The following PEX5 variants were observed in gnomAD, a reference collection of about 807,000 sequenced individuals.
PEX5 encodes peroxisomal biogenesis factor 5.
PEX5 carries 52 observed loss-of-function variants against 82.9 expected under a neutral mutation model. The observed-to-expected ratio is 0.63, with a 90% CI of 0.50 to 0.79. PEX5 has a LOEUF of 0.79. Among genes scored for constraint, PEX5 ranks in the 30% least tolerant of loss-of-function variants. The pLI is 0.00. For missense variants in PEX5, 719 were observed against 815.2 expected, an observed-to-expected ratio of 0.88 and a Z score of 1.44; for synonymous variants, 300 against 318.8, an observed-to-expected ratio of 0.94 and a Z score of 0.63.
intron 1 of PEX5, chr12:7,190,149 C>T (rs1940710844): frequency 2.7e-6 from 4 of 1,488,164 alleles, no homozygotes; most frequent in Non-Finnish European, 3.6e-6. Context: ...GAGGCGCAGG[C>T]TGGAAGCGGT....
intron 5 of PEX5, among the ~76,000 whole-genome samples, chr12:7,192,004 C>T (rs1024258220): frequency 6.6e-6 from 1 of 152,032 alleles, no homozygotes; most frequent in African/African-American, 2.4e-5. Flanking sequence ...GCAGTGTTGC[C>T]GAGGAAGAGA....
In PEX5 at chr12:7,203,554, G is replaced by A. The variant is rs373763823; in HGVS notation, c.966+3G>A. 178 of 1,613,148 alleles carry A rather than the reference G, an allele frequency of 1.1e-4. No homozygotes were observed. Among genetic ancestry groups the A allele is most frequent in the Admixed American group, 1.5e-4 (9 of 59,882 alleles). ...TTACGTCAGCTACCTATGATAAGGTGAGGTAAAAACTCTTAGTTTTTCAGG... is the reference window on the plus strand; with the variant it reads ...TTACGTCAGCTACCTATGATAAGGTAAGGTAAAAACTCTTAGTTTTTCAGG... On this transcript the variant is annotated splice_donor_region_variant and intron_variant, in intron 10 of 15. Coordinates refer to ENST00000675855, the MANE Select transcript of PEX5 (RefSeq NM_001351132.2).
chr12:7,194,718 T>C (rs1341127986), intron 5 of PEX5, among the ~76,000 whole-genome samples: 1 of 152,200 alleles, frequency 6.6e-6, no homozygotes, highest in Non-Finnish European at 1.5e-5. Context: ...TCGGTTGACA[T>C]GGTATGTGAG....
At chr12:7,197,252 T>TATA (rs370703108) in intron 5 of PEX5, among the ~76,000 whole-genome samples, 1 of 15,444 alleles carries the variant, frequency 6.5e-5, no homozygotes, top group African/African-American at 1.8e-4. Context: ...TTATATGTCA[T>TATA]ATGTAATAAT....
chr12:7,191,023 G>T, intron 3 of PEX5, 100 bp downstream of exon 3: 1 of 1,260,016 alleles, frequency 7.9e-7, no homozygotes, highest in South Asian at 1.2e-5. Flanking sequence ...GGGCTTTCCT[G>T]ACCGAATGAG....
In PEX5 at chr12:7,193,168, C is replaced by T. The variant is rs758440050; in HGVS notation, c.448+1468C>T. On this transcript the variant is annotated intron_variant, in intron 5 of 15. Coordinates refer to ENST00000675855, the MANE Select transcript of PEX5 (RefSeq NM_001351132.2). ...GACTGAGATTTGGAAAAGTTAAATA[C>T]TTTGTGCAAAATCATTGAATAATAG... 5.9e-5 allele frequency among the ~76,000 whole-genome samples: 9 copies of T among 151,708 alleles called. No individual in the cohort carries two copies. The East Asian group carries it at 1.7e-3, about 29-fold the overall frequency.
At chr12:7,195,349 G>C (rs1186508808) in intron 5 of PEX5, among the ~76,000 whole-genome samples, 1 of 152,134 alleles carries the variant, frequency 6.6e-6, no homozygotes, top group Non-Finnish European at 1.5e-5. Flanking sequence ...ACATGGATCT[G>C]ATTTTCTGTA....
chr12:7,188,724 A>C (rs1940383716), upstream of PEX5: 1 of 152,468 alleles, frequency 6.6e-6, no homozygotes, highest in African/African-American at 2.4e-5. Flanking sequence ...TTCGTCTGGC[A>C]TTATTGCCCT....
rs113752912 is a variant in PEX5, at chr12:7,190,040, T to A, written c.-17+290T>A. 0.1 allele frequency: 149,661 copies of A among 1,502,774 alleles called. 8,505 individuals are homozygous for A. Among genetic ancestry groups the A allele is most frequent in the Middle Eastern group, 0.15 (857 of 5,666 alleles). 93.1% of individuals were successfully genotyped at this position (1,502,774 alleles called of 1,614,324 possible). ...CGGGCAGTGTCGCCGTCCAGCCTGG[T>A]TGTTGAAGCGTCCCCGTGGTCCCCC... is the stretch of plus-strand genomic sequence containing the variant. On this transcript the variant is annotated intron_variant, in intron 1 of 15. Coordinates refer to ENST00000675855, the MANE Select transcript of PEX5 (RefSeq NM_001351132.2).
At chr12:7,191,110 A>C (rs1941016992) in intron 3 of PEX5, 116 bp from the exon 4 acceptor site, 3 of 1,267,752 alleles carry the variant, frequency 2.4e-6, no homozygotes. Flanking sequence ...ATGTGTCTCC[A>C]GTTTCTGTGT....
rs375947901 is a variant in PEX5 at position 7,208,650 on chromosome 12, C to G, written c.1375C>G (p.Leu459Val). The change falls in exon 13 of 16, where the codon CTG becomes GTG. Residue 459 changes from leucine (L) to valine (V), a missense_variant. By Grantham distance (32) the Leu-to-Val change is conservative. Transcript: ENST00000675855. ...GAGLGPSKRI[L>V]GSLLSDSLFL... ...AGGACTGGGCCCCAGCAAGCGTATC[C>G]TGGGATCTCTCTTGTCTGAGTGAGT... The G allele has an allele frequency of 3.7e-6, 6 of 1,613,502 alleles. No homozygotes were observed. Among genetic ancestry groups the G allele is most frequent in the Non-Finnish European group, 5.1e-6 (6 of 1,179,694 alleles).
Position 7,199,022 on chromosome 12 carries a change from G to A in PEX5, c.460G>A (p.Val154Met), listed in dbSNP as rs760610962. ...FISEVTDPLS[V>M]SPARWAEEYL... ...TCTGCTCCTTGCAGACCCCTTGTCT[G>A]TGTCCCCTGCCCGCTGGGCTGAGGA... is the stretch of plus-strand genomic sequence containing the variant. The change falls in exon 6 of 16, where the codon GTG becomes ATG. Residue 154 changes from valine to methionine, a missense_variant. Val to Met is a conservative substitution (Grantham distance 21). Transcript: ENST00000675855. The A allele has an allele frequency of 6.2e-7, 1 of 1,600,386 alleles. No homozygotes were observed. The highest frequency in any genetic ancestry group is 1.1e-5 in the South Asian group (1 of 89,516).
At chr12:7,197,455 T>C in intron 5 of PEX5, among the ~76,000 whole-genome samples, 1 of 110,246 alleles carries the variant, frequency 9.1e-6, no homozygotes, top group South Asian at 3.0e-4. Context: ...TTATATATAA[T>C]GTAATAATTA....
At chr12:7,197,881 G>T (rs923818990) in intron 5 of PEX5, among the ~76,000 whole-genome samples, 9 of 152,170 alleles carry the variant, frequency 5.9e-5, no homozygotes, top group African/African-American at 2.2e-4. Context: ...TCCCCCTTGG[G>T]AACTGTCCTT....
intron 14 of PEX5, 59 bp downstream of exon 14, chr12:7,209,229 T>G: frequency 5.1e-6 from 8 of 1,566,820 alleles, no homozygotes; most frequent in Non-Finnish European, 7.0e-6. Context: ...GAAGAGCCAT[T>G]TGTTGGGAAG....
In PEX5 at chr12:7,202,594, C is replaced by A; in HGVS notation, c.754-18C>A. On this transcript the variant is annotated intron_variant, in intron 8 of 15. Transcript: ENST00000675855. Reference sequence around the variant, plus strand: ...GAAAGTTGGTGGTAGTGGTACTGACCATCCTTTTTTGTCGCAGGGTACATC... The same window carrying A: ...GAAAGTTGGTGGTAGTGGTACTGACAATCCTTTTTTGTCGCAGGGTACATC... The A allele has an allele frequency of 6.2e-7, 1 of 1,608,304 alleles. No individual in the cohort carries two copies.
Position 7,210,143 on chromosome 12 carries a change from T to C in PEX5, c.1840T>C (p.Leu614=). The change falls in exon 16 of 16, where the codon TTA becomes CTA. Residue 614 remains leucine, a synonymous_variant. Coordinates refer to ENST00000675855, the MANE Select transcript of PEX5 (RefSeq NM_001351132.2). ...WSTLRLALSM[L]GQSDAYGAAD... ...CACCCTGCGTTTGGCATTGTCTATGTTAGGCCAGAGCGATGCCTATGGGGC... is the reference window on the plus strand; with the variant it reads ...CACCCTGCGTTTGGCATTGTCTATGCTAGGCCAGAGCGATGCCTATGGGGC... 6.2e-7 allele frequency: 1 copy of C among 1,614,234 alleles called. No homozygotes were observed. Among genetic ancestry groups the C allele is most frequent in the Non-Finnish European group, 8.5e-7 (1 of 1,180,024 alleles).
intron 5 of PEX5, among the ~76,000 whole-genome samples, chr12:7,195,836 T>C (rs1220743398): frequency 6.6e-6 from 1 of 151,090 alleles, no homozygotes; most frequent in Non-Finnish European, 1.5e-5. Context: ...TAAAGTCTCT[T>C]TGAGTATTAA....
Position 7,210,138 on chromosome 12 carries a change from C to T in PEX5, c.1835C>T (p.Ser612Phe). Residue 612 changes from serine to phenylalanine, a missense_variant, in exon 16 of 16, where the codon TCT becomes TTT. Transcript: ENST00000675855. Reference sequence around the variant, plus strand: ...TGGAGCACCCTGCGTTTGGCATTGTCTATGTTAGGCCAGAGCGATGCCTAT... The same window carrying T: ...TGGAGCACCCTGCGTTTGGCATTGTTTATGTTAGGCCAGAGCGATGCCTAT... Reference protein sequence around the residue: ...NIWSTLRLALSMLGQSDAYGA... With the variant: ...NIWSTLRLALFMLGQSDAYGA... 6.2e-7 allele frequency: 1 copy of T among 1,614,210 alleles called. No individual in the cohort carries two copies. The highest frequency in any genetic ancestry group is 8.5e-7 in the Non-Finnish European group (1 of 1,180,014).
Sources: gnomAD v4.1 joint callset for allele counts (sites outside exome capture counted in the v4.1 genomes callset) on GRCh38, gnomAD v4.1.1 for gene constraint, MANE v1.5 for transcripts, NCBI Gene and HGNC (gene_info 2026-07-23, HGNC 2026-07-21) for gene names.